Variants in ZNF385B observed in about 807,000 individuals in gnomAD.
The protein encoded by ZNF385B is zinc finger protein 385B.
A neutral mutation model predicts 39.2 loss-of-function variants in ZNF385B; 23 were observed. The ratio of observed to expected loss-of-function variants is 0.59; its 90% confidence interval spans 0.42 to 0.83. ZNF385B has a LOEUF of 0.83. Ranked by LOEUF, ZNF385B falls within the 40% of genes least tolerant of loss-of-function variation. The probability of loss-of-function intolerance (pLI) is 0.00; values close to 1 mark genes in which losing one functional copy is unlikely to be tolerated. For synonymous variants in ZNF385B, 205 were observed against 222.6 expected, an observed-to-expected ratio of 0.92 and a Z score of 0.70; for missense variants, 552 against 598.9, an observed-to-expected ratio of 0.92 and a Z score of 0.82.
chr2:179,445,690 C>T lies in ZNF385B; in HGVS notation c.1000G>A (p.Ala334Thr). The change falls in exon 8 of 10, where the codon GCT becomes ACT. Residue 334 changes from alanine to threonine, a missense_variant. Transcript: ENST00000410066. ...HKTMVEARNG[A>T]GPIKSYPRPG... ...CTAGGATAGGATTTAATTGGACCAGCCCCATTACGAGCTTCAACCATGGTC... is the reference window on the plus strand; with the variant it reads ...CTAGGATAGGATTTAATTGGACCAGTCCCATTACGAGCTTCAACCATGGTC... The T allele has an allele frequency of 1.9e-6, 3 of 1,613,114 alleles. No individual in the cohort carries two copies. Among genetic ancestry groups the T allele is most frequent in the Non-Finnish European group, 2.5e-6 (3 of 1,179,620 alleles).
In ZNF385B at chr2:179,537,767, A is replaced by AAAAAAC. The variant is rs1553602336; in HGVS notation, c.441+7059_441+7060insGTTTTT. ...AAAACAAACAAACAAACAAACAAAC[A>AAAAAAC]AAAAAAAAAATTAATAGAAATGTAA... is the stretch of plus-strand genomic sequence containing the variant. On this transcript the variant is annotated intron_variant, in intron 4 of 9. Coordinates refer to ENST00000410066, the MANE Select transcript of ZNF385B (RefSeq NM_152520.6). Among the ~76,000 whole-genome samples, 751 of 125,290 alleles carry AAAAAAC rather than the reference A, an allele frequency of 6.0e-3. 7 individuals are homozygous for AAAAAAC. The highest frequency in any genetic ancestry group is 0.019 in the African/African-American group (644 of 33,222). 82.2% of individuals were successfully genotyped at this position (125,290 alleles called of 152,430 possible). A position where few individuals can be genotyped will look rare whatever the true frequency, so the allele number is the denominator to read the frequency against.
chr2:179,516,286 T>C (rs2058084771), intron 5 of ZNF385B, among the ~76,000 whole-genome samples: 1 of 152,174 alleles, frequency 6.6e-6, no homozygotes, highest in Non-Finnish European at 1.5e-5. Context: ...GGGGATATAC[T>C]TAGAAGTGGG....
intron 3 of ZNF385B, among the ~76,000 whole-genome samples, chr2:179,761,756 C>CTTTTTTTTTTTTTTTT (rs1420842226): frequency 9.1e-6 from 1 of 109,588 alleles, no homozygotes. Flanking sequence ...CATTTTTTTT[C>CTTTTTTTTTTTTTTTT]TTTTCTTTTT....
At chr2:179,629,144 T>C (rs528095788) in intron 3 of ZNF385B, among the ~76,000 whole-genome samples, 2 of 152,276 alleles carry the variant, frequency 1.3e-5, no homozygotes, top group Admixed American at 6.5e-5. Context: ...GTCCTAGAAA[T>C]AGACATTTTT....
intron 3 of ZNF385B, among the ~76,000 whole-genome samples, chr2:179,681,909 G>A (rs1035919243): frequency 6.6e-6 from 1 of 152,188 alleles, no homozygotes; most frequent in Non-Finnish European, 1.5e-5. Flanking sequence ...AACAACTAAT[G>A]ACATGCCTAT....
intron 3 of ZNF385B, chr2:179,584,030 G>A: frequency 1.0e-6 from 1 of 965,354 alleles, no homozygotes; most frequent in Non-Finnish European, 1.5e-6. Context: ...CATTGTTGAA[G>A]AAGACATAGT....
At chr2:179,666,930 C>T (rs1311945757) in intron 3 of ZNF385B, among the ~76,000 whole-genome samples, 3 of 152,066 alleles carry the variant, frequency 2.0e-5, no homozygotes, top group Non-Finnish European at 4.4e-5. Flanking sequence ...TATCTAGATT[C>T]ATTTATCATG....
intron 3 of ZNF385B, among the ~76,000 whole-genome samples, chr2:179,718,982 T>A (rs79216963): frequency 0.13 from 19,762 of 151,580 alleles, 1,877 homozygotes; most frequent in East Asian, 0.5. Context: ...ATATATATTT[T>A]TTTTTTCTAT....
chr2:179,732,072 T>C (rs889828651), intron 3 of ZNF385B, among the ~76,000 whole-genome samples: 3 of 152,256 alleles, frequency 2.0e-5, no homozygotes, highest in South Asian at 2.1e-4. Flanking sequence ...TCAGCCTTTA[T>C]AGTTTGAGGT....
chr2:179,562,861 C>T (rs941338788), intron 3 of ZNF385B, among the ~76,000 whole-genome samples: 1 of 152,156 alleles, frequency 6.6e-6, no homozygotes, highest in African/African-American at 2.4e-5. Context: ...ACTTATATGT[C>T]AAGGGATTAT....
chr2:179,803,841 T>C (rs776866913), intron 1 of ZNF385B, among the ~76,000 whole-genome samples: 7 of 152,166 alleles, frequency 4.6e-5, no homozygotes, highest in African/African-American at 1.2e-4. Flanking sequence ...TTGGGATCTT[T>C]CGATTATAAG....
At chr2:179,579,442 C>A (rs1483960125) in intron 3 of ZNF385B, among the ~76,000 whole-genome samples, 2 of 151,844 alleles carry the variant, frequency 1.3e-5, no homozygotes, top group East Asian at 1.9e-4. Flanking sequence ...CTAAAAAATC[C>A]CACTGGCTTG....
chr2:179,459,818 T>C (rs560055304), intron 6 of ZNF385B, among the ~76,000 whole-genome samples: 1 of 151,068 alleles, frequency 6.6e-6, no homozygotes, highest in African/African-American at 2.4e-5. Context: ...AAAATATATA[T>C]AGCGGCCAGG....
chr2:179,754,384 C>T (rs1702879725), intron 3 of ZNF385B, among the ~76,000 whole-genome samples: 2 of 152,094 alleles, frequency 1.3e-5, no homozygotes, highest in Non-Finnish European at 2.9e-5. Flanking sequence ...GGATATTGGT[C>T]TAAAATTCTC....
chr2:179,820,286 A>T (rs1707327431), intron 1 of ZNF385B, among the ~76,000 whole-genome samples: 1 of 152,108 alleles, frequency 6.6e-6, no homozygotes, highest in African/African-American at 2.4e-5. Context: ...GTATATTTGC[A>T]TAAAGGTATT....
At chr2:179,585,074 T>C (rs1686946778) in intron 3 of ZNF385B, among the ~76,000 whole-genome samples, 1 of 152,124 alleles carries the variant, frequency 6.6e-6, no homozygotes, top group South Asian at 2.1e-4. Context: ...AAGTACCTTA[T>C]TGGTATGTTC....
intron 3 of ZNF385B, among the ~76,000 whole-genome samples, chr2:179,652,055 T>C (rs1693240872): frequency 6.6e-6 from 1 of 152,124 alleles, no homozygotes; most frequent in Non-Finnish European, 1.5e-5. Flanking sequence ...CTGAGCTCCA[T>C]TTTTAATATG....
intron 3 of ZNF385B, among the ~76,000 whole-genome samples, chr2:179,574,814 G>T (rs4894109): frequency 0.35 from 52,487 of 151,966 alleles, 9,576 homozygotes; most frequent in Admixed American, 0.42. Context: ...TGTTAGGGGG[G>T]AAGGGCTTTA....
Position 179,764,392 on chromosome 2 carries a change from T to A in ZNF385B, c.298+5111A>T, listed in dbSNP as rs182324041. Among the ~76,000 whole-genome samples, 749 of 152,026 alleles carry A rather than the reference T, an allele frequency of 4.9e-3. 7 individuals are homozygous for A. The highest frequency in any genetic ancestry group is 0.017 in the African/African-American group (704 of 41,526). ...AGCAGCATATAGTTGGGTTTTTTTTTAATGCATTTTTTCTTTTGATTGGCT... is the reference window on the plus strand; with the variant it reads ...AGCAGCATATAGTTGGGTTTTTTTTAAATGCATTTTTTCTTTTGATTGGCT... On this transcript the variant is annotated intron_variant, in intron 3 of 9. Transcript: ENST00000410066.
Sources: allele counts gnomAD v4.1 joint callset (sites outside exome capture counted in the v4.1 genomes callset), GRCh38; gene constraint gnomAD v4.1.1; transcripts MANE v1.5; gene names NCBI Gene and HGNC (gene_info 2026-07-23, HGNC 2026-07-21).